Variants in SLC44A5 observed in about 807,000 individuals in gnomAD.
The protein encoded by SLC44A5 is solute carrier family 44 member 5, also known as choline transporter-like protein 5.
SLC44A5 carries 57 observed loss-of-function variants against 101.8 expected under a neutral mutation model. The observed-to-expected ratio is 0.56, with a 90% CI of 0.45 to 0.70. SLC44A5 has a LOEUF of 0.70. SLC44A5 is among the 30% of genes least tolerant of loss of function. The pLI, the probability that SLC44A5 is intolerant of heterozygous loss-of-function variation, is 0.00. For synonymous variants in SLC44A5, 281 were observed against 290.9 expected (o/e 0.97, Z 0.35); for missense variants, 737 against 853.1 (o/e 0.86, Z 1.70).
chr1:75,645,645 G>C, the SLC44A5 span, among the ~76,000 whole-genome samples: 1 of 150,766 alleles, frequency 6.6e-6, no homozygotes, highest in Non-Finnish European at 1.5e-5. Flanking sequence ...GATCCCATTT[G>C]TCAATTTTGG....
intron 8 of SLC44A5, 29 bp downstream of exon 8, chr1:75,242,857 T>C: frequency 6.5e-7 from 1 of 1,543,996 alleles, no homozygotes; most frequent in Non-Finnish European, 8.7e-7. Flanking sequence ...GTTAAATTGT[T>C]CTCTTGCTTT....
chr1:75,590,734 G>A (rs563083753), intron 1 of SLC44A5, among the ~76,000 whole-genome samples: 30 of 152,270 alleles, frequency 2.0e-4, no homozygotes, highest in African/African-American at 7.2e-4. Flanking sequence ...AAAAGGGAAA[G>A]AAAGAGTGGG....
At chr1:75,546,664 G>A (rs1247905967) in intron 1 of SLC44A5, among the ~76,000 whole-genome samples, 2 of 152,014 alleles carry the variant, frequency 1.3e-5, no homozygotes, top group Non-Finnish European at 2.9e-5. Flanking sequence ...GTAAAACTTT[G>A]AAACTTCTAA....
upstream of SLC44A5, among the ~76,000 whole-genome samples, chr1:75,611,559 C>T (rs908207366): frequency 2.5e-4 from 38 of 152,132 alleles, no homozygotes; most frequent in African/African-American, 8.0e-4. Flanking sequence ...TATGTTCATG[C>T]TATTTTCATT....
the SLC44A5 span, among the ~76,000 whole-genome samples, chr1:75,637,144 G>A: frequency 4.6e-5 from 7 of 151,922 alleles, no homozygotes. Flanking sequence ...ATAGGAGCCA[G>A]CAACTCCATT....
intron 4 of SLC44A5, among the ~76,000 whole-genome samples, chr1:75,314,466 G>A (rs553301147): frequency 6.6e-6 from 1 of 152,270 alleles, no homozygotes; most frequent in South Asian, 2.1e-4. Context: ...TCATCTTTCA[G>A]TTACTGGAAA....
intron 6 of SLC44A5, among the ~76,000 whole-genome samples, chr1:75,274,550 T>C (rs1170971097): frequency 6.6e-6 from 1 of 152,096 alleles, no homozygotes; most frequent in East Asian, 1.9e-4. Context: ...CTTCGAAAGG[T>C]GGAATGATTT....
At chr1:75,434,138 G>A (rs1664761498) in intron 2 of SLC44A5, among the ~76,000 whole-genome samples, 1 of 152,072 alleles carries the variant, frequency 6.6e-6, no homozygotes, top group African/African-American at 2.4e-5. Flanking sequence ...TTTCCTCTGT[G>A]TTCTCACCTT....
At chr1:75,686,080 G>T in the SLC44A5 span, among the ~76,000 whole-genome samples, 1 of 152,072 alleles carries the variant, frequency 6.6e-6, no homozygotes, top group African/African-American at 2.4e-5. Context: ...CACAAAAACA[G>T]CATGAGGGTA....
chr1:75,708,649 A>T, the SLC44A5 span, among the ~76,000 whole-genome samples: 1 of 152,052 alleles, frequency 6.6e-6, no homozygotes, highest in Non-Finnish European at 1.5e-5. Context: ...ATTAAAAACG[A>T]TGGCAATTAT....
At position 75,437,700 on chromosome 1, in the gene SLC44A5, C is replaced by T. The variant is rs115948802; in HGVS notation, c.14-41079G>A. Among the ~76,000 whole-genome samples the T allele has an allele frequency of 3.7e-4, 56 of 152,194 alleles. No individual in the cohort carries two copies. In the East Asian group the frequency reaches 8.1e-3, roughly 22 times the overall value. ...GATAAAGCAGGATGGTACAAAAACA[C>T]CAGAATGATTAGCATCATCTCCAAC... On this transcript the variant is annotated intron_variant, in intron 2 of 23. Transcript: ENST00000370859.
At chr1:75,266,622 T>A (rs1651015063) in intron 6 of SLC44A5, among the ~76,000 whole-genome samples, 1 of 152,198 alleles carries the variant, frequency 6.6e-6, no homozygotes, top group Non-Finnish European at 1.5e-5. Flanking sequence ...CACTTAGCAG[T>A]GTTGTTGAGG....
chr1:75,480,828 C>T (rs1009926794), intron 2 of SLC44A5, among the ~76,000 whole-genome samples: 9 of 152,104 alleles, frequency 5.9e-5, no homozygotes, highest in Non-Finnish European at 1.5e-5. Flanking sequence ...GTCATACTGC[C>T]CAAGGTAATA....
At chr1:75,490,904 A>G (rs1463532616) in intron 2 of SLC44A5, among the ~76,000 whole-genome samples, 1 of 152,050 alleles carries the variant, frequency 6.6e-6, no homozygotes, top group Non-Finnish European at 1.5e-5. Context: ...TCTGCTTATT[A>G]TTAAAGGCAA....
chr1:75,446,038 C>T (rs1411560944), intron 2 of SLC44A5, among the ~76,000 whole-genome samples: 1 of 152,106 alleles, frequency 6.6e-6, no homozygotes, highest in African/African-American at 2.4e-5. Flanking sequence ...CCTCTCACCA[C>T]CTCCACCACT....
At chr1:75,587,026 C>A (rs1031554524) in intron 1 of SLC44A5, among the ~76,000 whole-genome samples, 8 of 151,880 alleles carry the variant, frequency 5.3e-5, no homozygotes, top group Non-Finnish European at 1.0e-4. Context: ...AGGCTGGTGC[C>A]CCCTAGAAGA....
At chr1:75,432,773 G>C (rs1664686412) in intron 2 of SLC44A5, among the ~76,000 whole-genome samples, 1 of 151,720 alleles carries the variant, frequency 6.6e-6, no homozygotes, top group Admixed American at 6.6e-5. Context: ...AAAATGCGAG[G>C]GTCCATTCCA....
At chr1:75,698,477 G>T in the SLC44A5 span, among the ~76,000 whole-genome samples, 1 of 152,018 alleles carries the variant, frequency 6.6e-6, no homozygotes, top group East Asian at 1.9e-4. Context: ...AAACAGAAAG[G>T]GTATCCACAC....
chr1:75,327,806 C>A (rs1030223679), intron 4 of SLC44A5, among the ~76,000 whole-genome samples: 11 of 152,204 alleles, frequency 7.2e-5, no homozygotes, highest in Non-Finnish European at 1.5e-5. Flanking sequence ...GGAAATCCTG[C>A]ATAGTCATTA....
Sources: allele counts gnomAD v4.1 joint callset (sites outside exome capture counted in the v4.1 genomes callset), GRCh38; gene constraint gnomAD v4.1.1; transcripts MANE v1.5; gene names NCBI Gene and HGNC (gene_info 2026-07-23, HGNC 2026-07-21).